The following CIROZ variants were observed in gnomAD, a reference collection of about 807,000 sequenced individuals.
CIROZ encodes the protein ciliated left-right organizer protein containing ZP-N domains.
the CIROZ span, chr1:10,948,312 C>T: frequency 5.3e-5 from 85 of 1,613,696 alleles, 1 homozygote; most frequent in African/African-American, 5.1e-4. Context: ...TCCGGGAGAA[C>T]GGTGAGAAAC....
the CIROZ span, among the ~76,000 whole-genome samples, chr1:10,967,114 A>G: frequency 2.0e-5 from 3 of 149,522 alleles, no homozygotes; most frequent in South Asian, 6.4e-4. Context: ...GTGCCACTGC[A>G]CTCCAGCCTG....
chr1:10,960,572 T>A, the CIROZ span, among the ~76,000 whole-genome samples: 1 of 152,224 alleles, frequency 6.6e-6, no homozygotes, highest in Non-Finnish European at 1.5e-5. The surrounding 1 kb of genome is among the most constrained non-coding windows in gnomAD (Gnocchi z 4.6). Context: ...GCATTGAGTT[T>A]ACGGGTGCCC....
chr1:10,958,862 G>A, the CIROZ span: 4 of 1,094,138 alleles, frequency 3.7e-6, no homozygotes, highest in Admixed American at 6.0e-5. Flanking sequence ...GGAGGCCGGT[G>A]AGAGAGCTGT....
the CIROZ span, among the ~76,000 whole-genome samples, chr1:10,965,570 C>T: frequency 1.3e-5 from 2 of 151,858 alleles, no homozygotes; most frequent in African/African-American, 4.8e-5. Context: ...ACAAAAAGTA[C>T]AAAAATTACC....
chr1:10,948,689 G>A, the CIROZ span: 1 of 1,599,502 alleles, frequency 6.3e-7, no homozygotes. Context: ...GCTCCGAGGG[G>A]AGCGTGGCTG....
At chr1:10,978,063 G>A in the CIROZ span, among the ~76,000 whole-genome samples, 1 of 151,910 alleles carries the variant, frequency 6.6e-6, no homozygotes, top group African/African-American at 2.4e-5. Flanking sequence ...CAGCTACTCA[G>A]GAGGCTGAGG....
At chr1:10,955,194 G>A in the CIROZ span, 1 of 1,598,360 alleles carries the variant, frequency 6.3e-7, no homozygotes, top group Non-Finnish European at 8.6e-7. Flanking sequence ...ACACTGGAAT[G>A]GGAAGGACAC....
chr1:10,964,303 T>A, the CIROZ span: 1 of 1,576,960 alleles, frequency 6.3e-7, no homozygotes. Context: ...TGTATGCAAA[T>A]GAGAGAGGAA....
chr1:10,961,170 CA>C, the CIROZ span, among the ~76,000 whole-genome samples: 1 of 152,222 alleles, frequency 6.6e-6, no homozygotes, highest in Admixed American at 6.5e-5. Flanking sequence ...CGTGTGAGGA[CA>C]GCAACACCGT....
chr1:10,972,516 C>T, the CIROZ span, among the ~76,000 whole-genome samples: 1,154 of 151,538 alleles, frequency 7.6e-3, 20 homozygotes, highest in African/African-American at 0.026. Flanking sequence ...ATAATATTGT[C>T]GGGCTAATTT....
At chr1:10,963,388 CA>C in the CIROZ span, among the ~76,000 whole-genome samples, 1 of 151,668 alleles carries the variant, frequency 6.6e-6, no homozygotes, top group Non-Finnish European at 1.5e-5. Flanking sequence ...GACTCCATCT[CA>C]AAAAAACAAA....
chr1:10,956,551 C>T, the CIROZ span, among the ~76,000 whole-genome samples: 1 of 151,712 alleles, frequency 6.6e-6, no homozygotes, highest in Non-Finnish European at 1.5e-5. Context: ...TCTCGGCTCA[C>T]TGCAAGCTCC....
At chr1:10,957,504 G>C in the CIROZ span, 1 of 1,476,996 alleles carries the variant, frequency 6.8e-7, no homozygotes, top group East Asian at 2.3e-5. Context: ...AATCTGTCCA[G>C]TCTCGCAGGT....
At chr1:10,955,054 A>G in the CIROZ span, 8 of 1,613,982 alleles carry the variant, frequency 5.0e-6, no homozygotes, top group Non-Finnish European at 5.9e-6. Flanking sequence ...CTCAGTCACC[A>G]TAAAGATGTT....
chr1:10,950,346 A>G, the CIROZ span, among the ~76,000 whole-genome samples: 1 of 152,236 alleles, frequency 6.6e-6, no homozygotes, highest in Admixed American at 6.5e-5. Flanking sequence ...ATTTTTTAAA[A>G]TTAAGTCACA....
At chr1:10,949,466 T>G in the CIROZ span, 2 of 843,720 alleles carry the variant, frequency 2.4e-6, no homozygotes, top group Non-Finnish European at 1.8e-6. Context: ...ATATTCTGAA[T>G]TTGAGGAGGT....
the CIROZ span, among the ~76,000 whole-genome samples, chr1:10,969,249 G>A: frequency 7.2e-5 from 11 of 152,100 alleles, no homozygotes; most frequent in African/African-American, 2.2e-4. Flanking sequence ...TGCAGCCACC[G>A]AGATGCAGAG....
the CIROZ span, among the ~76,000 whole-genome samples, chr1:10,975,157 C>A: frequency 1.3e-5 from 2 of 152,146 alleles, no homozygotes; most frequent in African/African-American, 4.8e-5. Context: ...CCTGTAATCC[C>A]AGCACTCTGG....
the CIROZ span, among the ~76,000 whole-genome samples, chr1:10,950,677 G>A: frequency 6.6e-6 from 1 of 152,204 alleles, no homozygotes; most frequent in African/African-American, 2.4e-5. Flanking sequence ...CAACCAAAAA[G>A]GTCTCCAGAT....
Sources: allele counts gnomAD v4.1 joint callset (sites outside exome capture counted in the v4.1 genomes callset), GRCh38; gene constraint gnomAD v4.1.1; non-coding constraint Gnocchi (gnomAD v3.1); transcripts MANE v1.5; gene names NCBI Gene and HGNC (gene_info 2026-07-23, HGNC 2026-07-21).